The following HHIPL1 variants were observed in gnomAD, a reference collection of about 807,000 sequenced individuals.
HHIPL1 encodes HHIP-like protein 1.
In HHIPL1, 43 loss-of-function variants were observed where a neutral mutation model predicts 61.8. The observed-to-expected ratio is 0.70, with a 90% CI of 0.55 to 0.90. HHIPL1 has a LOEUF of 0.90. HHIPL1 is among the 40% of genes least tolerant of loss of function. HHIPL1 has a pLI of 0.00. For missense variants in HHIPL1, 1,056 were observed against 1,157.7 expected (o/e 0.91, Z 1.28); for synonymous variants, 482 against 515.8 (o/e 0.93, Z 0.89).
chr14:99,607,911 T>C, the HHIPL1 span, among the ~76,000 whole-genome samples: 1 of 152,088 alleles, frequency 6.6e-6, no homozygotes, highest in Non-Finnish European at 1.5e-5. Flanking sequence ...ACAAACACAT[T>C]TAAATGGGAA....
upstream of HHIPL1, among the ~76,000 whole-genome samples, chr14:99,644,147 C>T (rs529674257): frequency 2.0e-5 from 3 of 152,284 alleles, no homozygotes; most frequent in East Asian, 3.9e-4. Flanking sequence ...CTCATCCACC[C>T]CCAGCTCTGC....
intron 8 of HHIPL1, among the ~76,000 whole-genome samples, chr14:99,673,909 G>A (rs2056356812): frequency 7.6e-6 from 1 of 130,794 alleles, no homozygotes; most frequent in African/African-American, 2.8e-5. Context: ...CACTGAGGGG[G>A]GCTGGCACCA....
At chr14:99,631,214 C>T in the HHIPL1 span, among the ~76,000 whole-genome samples, 3 of 151,760 alleles carry the variant, frequency 2.0e-5, no homozygotes, top group African/African-American at 7.3e-5. Flanking sequence ...TCTCCTACCT[C>T]AGCCCCCAGA....
At chr14:99,667,515 GAGA>G (rs2056264844) in intron 6 of HHIPL1, among the ~76,000 whole-genome samples, 1 of 152,108 alleles carries the variant, frequency 6.6e-6, no homozygotes, top group Non-Finnish European at 1.5e-5. Flanking sequence ...CTGAGATGGG[GAGA>G]AGTTGAGGCT....
At position 99,675,333 on chromosome 14, in the gene HHIPL1, G is replaced by C; in HGVS notation, c.2056G>C (p.Gly686Arg). The part of the protein sequence containing the change: ...VRPAGLSSGS[G>R]RVEVFVGGRW... ...GCCCGCGGGCCTGAGCTCTGGCAGC[G>C]GGCGCGTGGAGGTGTTCGTGGGCGG... Residue 686 changes from glycine to arginine, a missense_variant, in exon 9 of 9, where the codon GGG (glycine) becomes CGG (arginine). Transcript: ENST00000330710. The surrounding 1 kb of genome is among the most constrained non-coding windows in gnomAD (Gnocchi z 5.4). 7.0e-7 allele frequency: 1 copy of C among 1,425,652 alleles called. No homozygotes were observed. Among genetic ancestry groups the C allele is most frequent in the Non-Finnish European group, 9.2e-7 (1 of 1,089,518 alleles). The allele number at this position is 1,425,652 out of a possible 1,614,324, so 88.3% of individuals were successfully genotyped here.
chr14:99,605,496 T>C, the HHIPL1 span, among the ~76,000 whole-genome samples: 2 of 152,190 alleles, frequency 1.3e-5, no homozygotes, highest in African/African-American at 2.4e-5. Flanking sequence ...ATGCCCCATT[T>C]ACAGTTGCTA....
At chr14:99,637,316 C>A in the HHIPL1 span, among the ~76,000 whole-genome samples, 1 of 151,972 alleles carries the variant, frequency 6.6e-6, no homozygotes, top group Non-Finnish European at 1.5e-5. Context: ...AATCCTAGCA[C>A]TTTGGGAGGC....
At position 99,675,260 on chromosome 14, in the gene HHIPL1, G is replaced by A; in HGVS notation, c.1983G>A (p.Leu661=). 3.2e-6 allele frequency: 4 copies of A among 1,243,752 alleles called. No homozygotes were observed. Among genetic ancestry groups the A allele is most frequent in the Non-Finnish European group, 4.0e-6 (4 of 994,912 alleles). 77.0% of individuals were successfully genotyped at this position (1,243,752 alleles called of 1,614,324 possible). Residue 661 remains leucine (L), a synonymous_variant, in exon 9 of 9, where the codon CTG becomes CTA. Transcript: ENST00000330710. This position sits in a 1 kb window ranked among gnomAD's most constrained non-coding sequence, Gnocchi z 5.4. ...RRGGGRRRGR[L]NSASRAFRDG... is the part of the protein sequence containing the mutation. ...GCGGCGGGCGGCGGCGGGGGCGGCT[G>A]AACTCGGCGAGCCGGGCGTTCCGGG...
chr14:99,675,594 G>A lies in HHIPL1; in HGVS notation c.2317G>A (p.Val773Ile). The change falls in exon 9 of 9, where the codon GTC (valine) becomes ATC (isoleucine). Residue 773 changes from valine to isoleucine, a missense_variant. Coordinates refer to ENST00000330710, the MANE Select transcript of HHIPL1 (RefSeq NM_001127258.3). The surrounding 1 kb of genome is among the most constrained non-coding windows in gnomAD (Gnocchi z 5.4). ...HNCEHDEDAG[V>I]VCSHQNPDL ...CTGCGAGCACGACGAGGATGCGGGC[G>A]TCGTGTGCAGCCACCAGAACCCCGA... The A allele has an allele frequency of 6.5e-7, 1 of 1,530,496 alleles. No homozygotes were observed. Among genetic ancestry groups the A allele is most frequent in the Non-Finnish European group, 8.8e-7 (1 of 1,142,200 alleles). The allele number at this position is 1,530,496 out of a possible 1,614,324, so 94.8% of individuals were successfully genotyped here.
In HHIPL1 at chr14:99,675,042, G is replaced by C; in HGVS notation, c.1814-49G>C. The C allele has an allele frequency of 9.5e-7, 1 of 1,047,950 alleles. No homozygotes were observed. 64.9% of individuals were successfully genotyped at this position (1,047,950 alleles called of 1,614,324 possible). A position where few individuals can be genotyped will look rare whatever the true frequency, so the allele number is the denominator to read the frequency against. On this transcript the variant is annotated intron_variant, in intron 8 of 8. Coordinates refer to ENST00000330710, the MANE Select transcript of HHIPL1 (RefSeq NM_001127258.3). This position sits in a 1 kb window ranked among gnomAD's most constrained non-coding sequence, Gnocchi z 5.4. ...GCAGCACAGGGTGGGCAGCAGGGCT[G>C]GACAGGGGCGCCTGGGTCCCTCTGA...
chr14:99,638,245 C>A, the HHIPL1 span, among the ~76,000 whole-genome samples: 8 of 152,194 alleles, frequency 5.3e-5, no homozygotes, highest in Admixed American at 4.6e-4. Context: ...CTGGCACATT[C>A]TCCCGCTGCA....
Position 99,660,404 on chromosome 14 carries a change from C to T in HHIPL1, c.1500C>T (p.Ser500=). The T allele has an allele frequency of 6.2e-7, 1 of 1,612,430 alleles. No individual in the cohort carries two copies. Among genetic ancestry groups the T allele is most frequent in the Non-Finnish European group, 8.5e-7 (1 of 1,178,928 alleles). The change falls in exon 5 of 9, where the codon AGC becomes AGT. Residue 500 remains serine, a splice_region_variant and synonymous_variant. Transcript: ENST00000330710. The surrounding 1 kb of genome is among the most constrained non-coding windows in gnomAD (Gnocchi z 4.9). ...NGLYIFGDFM[S]GRLMSLQENP... ...TCTACATTTTTGGGGATTTCATGAG[C>T]GGGTAAGTGACCTAGTGCCCTCGCG...
chr14:99,645,653 A>T (rs1032922665), intron 1 of HHIPL1, among the ~76,000 whole-genome samples, 191 bp downstream of exon 1: 12 of 152,200 alleles, frequency 7.9e-5, no homozygotes, highest in African/African-American at 2.9e-4. Context: ...TTTGCCATTC[A>T]TTAGTTTTGT....
rs2140089630 is a variant in HHIPL1, at chr14:99,668,151, G to A, written c.1649-71G>A. 2.2e-6 allele frequency: 2 copies of A among 904,944 alleles called. No individual in the cohort carries two copies. Among genetic ancestry groups the A allele is most frequent in the South Asian group, 2.6e-5 (2 of 76,796 alleles). The allele number at this position is 904,944 out of a possible 1,614,324, so 56.1% of individuals were successfully genotyped here. On this transcript the variant is annotated intron_variant, in intron 6 of 8. Transcript: ENST00000330710. This position sits in a 1 kb window ranked among gnomAD's most constrained non-coding sequence, Gnocchi z 4.7. ...TATTTCCAAGCCTGCAGGGAGCCGGGTGGTGAGGCGGGGCTGGCTGGGACG... is the reference window on the plus strand; with the variant it reads ...TATTTCCAAGCCTGCAGGGAGCCGGATGGTGAGGCGGGGCTGGCTGGGACG...
At chr14:99,637,245 A>AAAG in the HHIPL1 span, among the ~76,000 whole-genome samples, 1 of 150,090 alleles carries the variant, frequency 6.7e-6, no homozygotes, top group African/African-American at 2.5e-5. Flanking sequence ...AGAAAGAAAG[A>AAAG]AAGAAAGAAA....
upstream of HHIPL1, among the ~76,000 whole-genome samples, chr14:99,640,673 T>C (rs1180863185): frequency 6.6e-6 from 1 of 152,170 alleles, no homozygotes; most frequent in Non-Finnish European, 1.5e-5. Flanking sequence ...ATTTTTTTCC[T>C]AATAAAAGTC....
rs1487416989 is a variant in HHIPL1, at chr14:99,660,220, C to CT, written c.1376-59dup. ...CCCGCGGAATCCCTCCGGAATTCTC[C>CT]TGGCTGATGAACCTTCCCGCCGCTG... On this transcript the variant is annotated intron_variant, in intron 4 of 8. Transcript: ENST00000330710. This position sits in a 1 kb window ranked among gnomAD's most constrained non-coding sequence, Gnocchi z 4.9. 4 of 1,607,128 alleles carry CT rather than the reference C, an allele frequency of 2.5e-6. No homozygotes were observed. The East Asian group carries it at 9.0e-5, about 36-fold the overall frequency.
At chr14:99,637,233 AAAGAAAG>A in the HHIPL1 span, among the ~76,000 whole-genome samples, 1 of 148,224 alleles carries the variant, frequency 6.7e-6, no homozygotes, top group African/African-American at 2.6e-5. Flanking sequence ...AGAAAGAAAG[AAAGAAAG>A]AAAGAAAGAA....
intron 7 of HHIPL1, among the ~76,000 whole-genome samples, chr14:99,669,822 T>C (rs1310930864): frequency 6.6e-6 from 1 of 152,264 alleles, no homozygotes; most frequent in East Asian, 1.9e-4. Flanking sequence ...CTACTTGGGA[T>C]GCTAAGGTGA....
Sources: allele counts gnomAD v4.1 joint callset (sites outside exome capture counted in the v4.1 genomes callset), GRCh38; gene constraint gnomAD v4.1.1; non-coding constraint Gnocchi (gnomAD v3.1); transcripts MANE v1.5; gene names NCBI Gene and HGNC (gene_info 2026-07-23, HGNC 2026-07-21).